The following STXBP5 variants were observed in gnomAD, a reference collection of about 807,000 sequenced individuals.
The protein encoded by STXBP5 is syntaxin binding protein 5.
Under a neutral mutation model 152.4 loss-of-function variants are expected in STXBP5, and 50 were observed. The ratio of observed to expected loss-of-function variants is 0.33; its 90% CI spans 0.26 to 0.42. The LOEUF is 0.42. Ranked by LOEUF, STXBP5 falls within the 10% of genes least tolerant of loss-of-function variation. The pLI is 1.00. For synonymous variants in STXBP5, 492 were observed against 494.7 expected (o/e 0.99, Z 0.07); for missense variants, 1,167 against 1,388.6 (o/e 0.84, Z 2.54).
intron 2 of STXBP5, among the ~76,000 whole-genome samples, chr6:147,222,251 G>A (rs1033828550): frequency 1.3e-5 from 2 of 152,078 alleles, no homozygotes; most frequent in African/African-American, 2.4e-5. Flanking sequence ...CTGCCATTTC[G>A]AAGTCTGATT....
Position 147,235,296 on chromosome 6 carries a change from G to A in STXBP5, c.295G>A (p.Ala99Thr). 1 of 1,613,164 alleles carries A rather than the reference G, an allele frequency of 6.2e-7. No homozygotes were observed. The highest frequency in any genetic ancestry group is 8.5e-7 in the Non-Finnish European group (1 of 1,179,416). Residue 99 changes from alanine (A) to threonine (T), a missense_variant, in exon 3 of 28, where the codon GCT (alanine) becomes ACT (threonine). By Grantham distance (58) the Ala-to-Thr change is moderately conservative. Around this residue, in one of 3 missense-constraint regions of STXBP5, gnomAD observed 310 missense variants for 346.1 expected, o/e 0.90. Coordinates refer to ENST00000321680, the MANE Select transcript of STXBP5 (RefSeq NM_001127715.4). The part of the protein sequence containing the change: ...VECYCQHDSG[A>T]AVIQLQFLIN... ...ATGTTATTGCCAGCATGACAGTGGA[G>A]CTGCAGTAATCCAGCTCCAGTTCCT...
At chr6:147,375,732 T>G (rs1219608197) in intron 26 of STXBP5, among the ~76,000 whole-genome samples, 2 of 151,630 alleles carry the variant, frequency 1.3e-5, no homozygotes, top group Non-Finnish European at 2.9e-5. Flanking sequence ...TTTTAAAAAT[T>G]TTCAATTAAC....
intron 7 of STXBP5, among the ~76,000 whole-genome samples, chr6:147,273,046 A>G (rs1780253417): frequency 6.6e-6 from 1 of 151,934 alleles, no homozygotes; most frequent in Non-Finnish European, 1.5e-5. Flanking sequence ...TTTTTAGGCT[A>G]TGATGTATTA....
At chr6:147,374,650 A>G (rs911941419) in intron 26 of STXBP5, among the ~76,000 whole-genome samples, 2 of 152,188 alleles carry the variant, frequency 1.3e-5, no homozygotes, top group Admixed American at 1.3e-4. Context: ...AGAAGTAATC[A>G]TATAGTAAGA....
intron 2 of STXBP5, among the ~76,000 whole-genome samples, chr6:147,224,279 T>G (rs892729856): frequency 2.0e-5 from 3 of 152,010 alleles, no homozygotes; most frequent in Non-Finnish European, 2.9e-5. Flanking sequence ...TAAAGAAATT[T>G]GCCGGGCATG....
At chr6:147,324,833 A>G in intron 16 of STXBP5, 126 bp from the exon 17 acceptor site, 1 of 928,440 alleles carries the variant, frequency 1.1e-6, no homozygotes, top group Non-Finnish European at 1.4e-6. Context: ...AAATGCTTCT[A>G]GAAAACAGGA....
rs1227414872 is a variant in STXBP5, at chr6:147,262,362, T to C, written c.630+9T>C. 2.0e-6 allele frequency: 3 copies of C among 1,532,804 alleles called. No individual in the cohort carries two copies. The highest frequency in any genetic ancestry group is 2.6e-6 in the Non-Finnish European group (3 of 1,137,254). 95.0% of individuals were successfully genotyped at this position (1,532,804 alleles called of 1,614,324 possible). On this transcript the variant is annotated intron_variant, in intron 6 of 27. Coordinates refer to ENST00000321680, the MANE Select transcript of STXBP5 (RefSeq NM_001127715.4). ...CAATGGACGAGGGAAAGGTAGAATT[T>C]TTTGTAAAAAATTATATATTAAATG...
chr6:147,275,146 T>C (rs1393353901), intron 7 of STXBP5, among the ~76,000 whole-genome samples: 1 of 152,142 alleles, frequency 6.6e-6, no homozygotes, highest in Non-Finnish European at 1.5e-5. Context: ...CAAACCCTAA[T>C]AATTAAATAT....
chr6:147,264,810 A>G (rs966292565), intron 6 of STXBP5, among the ~76,000 whole-genome samples: 3 of 152,074 alleles, frequency 2.0e-5, no homozygotes, highest in African/African-American at 7.2e-5. Flanking sequence ...TTGTAAAGAA[A>G]GGAATTGAAA....
chr6:147,276,147 A>G (rs528632975), intron 7 of STXBP5, among the ~76,000 whole-genome samples: 6 of 152,228 alleles, frequency 3.9e-5, no homozygotes, highest in Non-Finnish European at 8.8e-5. Flanking sequence ...TGTTTTATGC[A>G]TGGTAGATAC....
chr6:147,349,978 G>A (rs1381124702), intron 21 of STXBP5, among the ~76,000 whole-genome samples: 1 of 152,102 alleles, frequency 6.6e-6, no homozygotes, highest in Non-Finnish European at 1.5e-5. Flanking sequence ...ATAGCAATAT[G>A]GCTGAAGTAT....
intron 2 of STXBP5, among the ~76,000 whole-genome samples, chr6:147,207,812 G>T (rs1362474955): frequency 2.0e-5 from 3 of 152,032 alleles, no homozygotes; most frequent in African/African-American, 7.2e-5. Flanking sequence ...GTGTGGTCTC[G>T]ACATTCTTTT....
At chr6:147,310,018 T>A in intron 9 of STXBP5, 66 bp from the exon 10 acceptor site, 7 of 1,126,872 alleles carry the variant, frequency 6.2e-6, no homozygotes, top group Non-Finnish European at 7.1e-6. Context: ...ATTAAAAAAT[T>A]ATGATGTAGC....
intron 5 of STXBP5, among the ~76,000 whole-genome samples, chr6:147,261,542 T>C (rs559591262): frequency 6.6e-6 from 1 of 152,236 alleles, no homozygotes; most frequent in African/African-American, 2.4e-5. Flanking sequence ...GATAATTCTG[T>C]GACGTATCTC....
At chr6:147,205,371 C>CAT (rs66619063) in intron 1 of STXBP5, among the ~76,000 whole-genome samples, 8,765 of 141,608 alleles carry the variant, frequency 0.062, 308 homozygotes, top group Admixed American at 0.095. Flanking sequence ...TAAAAGTGTG[C>CAT]ATATATATAT....
intron 24 of STXBP5, 109 bp downstream of exon 24, chr6:147,363,813 T>C: frequency 6.9e-7 from 1 of 1,453,586 alleles, no homozygotes; most frequent in Non-Finnish European, 9.1e-7. Flanking sequence ...TCTTATACTC[T>C]GAGAATTTAT....
intron 17 of STXBP5, among the ~76,000 whole-genome samples, chr6:147,326,371 C>T (rs1783256690): frequency 6.6e-6 from 1 of 151,992 alleles, no homozygotes; most frequent in African/African-American, 2.4e-5. Context: ...AATTAGTTAC[C>T]AAGACTATAT....
At chr6:147,336,568 TA>T (rs913485768) in intron 19 of STXBP5, among the ~76,000 whole-genome samples, 7 of 152,034 alleles carry the variant, frequency 4.6e-5, no homozygotes, top group Non-Finnish European at 1.0e-4. Context: ...GATCATGTTT[TA>T]AAAAACATAA....
intron 26 of STXBP5, among the ~76,000 whole-genome samples, chr6:147,377,635 C>G (rs908529955): frequency 6.6e-6 from 1 of 152,130 alleles, no homozygotes; most frequent in African/African-American, 2.4e-5. Context: ...TGGCTGCATT[C>G]TCACCTGGGG....
Sources: allele counts gnomAD v4.1 joint callset (sites outside exome capture counted in the v4.1 genomes callset), GRCh38; gene constraint gnomAD v4.1.1; regional missense constraint gnomAD v4.1.1; transcripts MANE v1.5; gene names NCBI Gene and HGNC (gene_info 2026-07-23, HGNC 2026-07-21).